The following CSNK2A1 variants were observed in gnomAD, a reference collection of about 807,000 sequenced individuals.
The protein encoded by CSNK2A1 is casein kinase II subunit alpha.
CSNK2A1 carries 10 observed loss-of-function variants against 62.9 expected under a neutral mutation model. The observed-to-expected ratio is 0.16, with a 90% CI of 0.10 to 0.27. CSNK2A1 has a LOEUF of 0.27. Ranked by LOEUF, CSNK2A1 falls within the 10% of genes least tolerant of loss-of-function variation. The probability of loss-of-function intolerance (pLI) is 1.00; values close to 1 mark genes in which losing one functional copy is unlikely to be tolerated. For synonymous variants in CSNK2A1, 124 were observed against 167.8 expected, an observed-to-expected ratio of 0.74 and a Z score of 2.02; for missense variants, 160 against 492.0, an observed-to-expected ratio of 0.33 and a Z score of 6.38.
At chr20:505,987 G>T (rs1170345447) in intron 3 of CSNK2A1, 1 of 145,442 alleles carries the variant, frequency 6.9e-6, no homozygotes, top group Non-Finnish European at 1.5e-5. Flanking sequence ...CCATTCTCCT[G>T]CCTCAGCCTC....
intron 2 of CSNK2A1, among the ~76,000 whole-genome samples, chr20:525,874 C>T (rs930830814): frequency 1.4e-5 from 2 of 142,716 alleles, no homozygotes. Flanking sequence ...GGTGTGGTGG[C>T]ATGCACCTGT....
chr20:525,502 T>C (rs968625856), intron 2 of CSNK2A1, among the ~76,000 whole-genome samples: 7 of 151,276 alleles, frequency 4.6e-5, no homozygotes, highest in Non-Finnish European at 4.4e-5. Flanking sequence ...AATACAAAAA[T>C]TAGCTGGGCA....
chr20:520,360 G>A (rs1600402193), intron 2 of CSNK2A1, among the ~76,000 whole-genome samples: 1 of 152,078 alleles, frequency 6.6e-6, no homozygotes, highest in East Asian at 1.9e-4. Flanking sequence ...ACAGTGTATT[G>A]GCAAAAGGAT....
At chr20:495,205 C>A in intron 8 of CSNK2A1, 1 of 153,724 alleles carries the variant, frequency 6.5e-6, no homozygotes, top group Non-Finnish European at 1.5e-5. Flanking sequence ...AGCTTGTCAC[C>A]TTAAAAAACT....
At chr20:524,056 G>A (rs1195940299) in intron 2 of CSNK2A1, among the ~76,000 whole-genome samples, 1 of 151,486 alleles carries the variant, frequency 6.6e-6, no homozygotes, top group Non-Finnish European at 1.5e-5. Flanking sequence ...ACAAAAAGGA[G>A]TCAATTTTAC....
chr20:498,183 C>G (rs1315707564), intron 6 of CSNK2A1: 1 of 170,278 alleles, frequency 5.9e-6, no homozygotes, highest in Non-Finnish European at 1.3e-5. Context: ...CCCTGCAGAT[C>G]ACCAGTGGGT....
chr20:490,220 G>A (rs569024944), intron 9 of CSNK2A1, among the ~76,000 whole-genome samples: 195 of 150,278 alleles, frequency 1.3e-3, no homozygotes, highest in African/African-American at 4.6e-3. Context: ...TAGTAGAGAC[G>A]GGGTTTCACT....
At chr20:487,370 CTG>C in intron 12 of CSNK2A1, 55 bp downstream of exon 12, 1 of 1,603,728 alleles carries the variant, frequency 6.2e-7, no homozygotes, top group Non-Finnish European at 8.5e-7. Context: ...GATTACGACT[CTG>C]TTCTATAGGA....
At chr20:486,697 G>A (rs535640126) in intron 12 of CSNK2A1, 1 of 491,698 alleles carries the variant, frequency 2.0e-6, no homozygotes, top group East Asian at 3.4e-5. Context: ...ATGGTAGAAA[G>A]ATGAGGTAAT....
At chr20:519,748 A>T (rs1321200563) in intron 2 of CSNK2A1, among the ~76,000 whole-genome samples, 2 of 152,234 alleles carry the variant, frequency 1.3e-5, no homozygotes, top group Non-Finnish European at 2.9e-5. Context: ...AAGAAAAATA[A>T]TCCCATTTTG....
intron 13 of CSNK2A1, 64 bp from the exon 14 acceptor site, chr20:484,140 T>A: frequency 7.7e-7 from 1 of 1,294,008 alleles, no homozygotes; most frequent in East Asian, 2.9e-5. Flanking sequence ...CAGTTTCTCA[T>A]AGCACTCACT....
intron 2 of CSNK2A1, among the ~76,000 whole-genome samples, chr20:511,714 A>G (rs2018724741): frequency 1.3e-5 from 2 of 152,018 alleles, no homozygotes; most frequent in Non-Finnish European, 2.9e-5. Flanking sequence ...ACACACACAC[A>G]CACACACACA....
intron 2 of CSNK2A1, among the ~76,000 whole-genome samples, chr20:512,634 T>C (rs750531103): frequency 3.9e-5 from 6 of 152,176 alleles, no homozygotes; most frequent in Non-Finnish European, 7.3e-5. Context: ...CCACTCCAAA[T>C]ATATGAGATC....
intron 10 of CSNK2A1, chr20:489,207 T>C: frequency 5.4e-6 from 1 of 183,634 alleles, no homozygotes; most frequent in Non-Finnish European, 1.1e-5. Context: ...TCTTTCTTTT[T>C]TCTGTATTCC....
At chr20:512,651 T>C (rs917499628) in intron 2 of CSNK2A1, among the ~76,000 whole-genome samples, 4 of 152,182 alleles carry the variant, frequency 2.6e-5, no homozygotes, top group Non-Finnish European at 4.4e-5. Context: ...GATCAAAAGA[T>C]TCACATGCTG....
At chr20:521,786 G>A (rs561208722) in intron 2 of CSNK2A1, among the ~76,000 whole-genome samples, 97 of 152,236 alleles carry the variant, frequency 6.4e-4, no homozygotes, top group African/African-American at 2.3e-3. Flanking sequence ...ACAGGGTCTC[G>A]CTTTGTTGCC....
intron 2 of CSNK2A1, among the ~76,000 whole-genome samples, chr20:517,102 A>C (rs1316388523): frequency 6.6e-6 from 1 of 152,240 alleles, no homozygotes; most frequent in East Asian, 1.9e-4. Flanking sequence ...GGTAAGAGAC[A>C]AACAAGACTT....
chr20:490,353 G>GTTTTT (rs373775413), intron 9 of CSNK2A1, among the ~76,000 whole-genome samples: 6 of 53,434 alleles, frequency 1.1e-4, no homozygotes, highest in African/African-American at 5.5e-4. Context: ...TTTTTTTTTA[G>GTTTTT]TTTTTTTTTT....
intron 2 of CSNK2A1, among the ~76,000 whole-genome samples, chr20:516,736 T>C (rs2018835778): frequency 6.6e-6 from 1 of 152,222 alleles, no homozygotes; most frequent in African/African-American, 2.4e-5. Context: ...TGTATTTTTA[T>C]TGATGAATTT....
Sources: allele counts gnomAD v4.1 joint callset (sites outside exome capture counted in the v4.1 genomes callset), GRCh38; gene constraint gnomAD v4.1.1; transcripts MANE v1.5; gene names NCBI Gene and HGNC (gene_info 2026-07-23, HGNC 2026-07-21).